CNTNAP2: variants seen among roughly 807,000 people sequenced by gnomAD.
CNTNAP2 encodes the protein contactin associated protein 2.
CNTNAP2 carries 98 observed loss-of-function variants against 155.2 expected under a neutral mutation model. The ratio of observed to expected loss-of-function variants is 0.63; its 90% CI spans 0.54 to 0.75. The LOEUF (loss-of-function observed/expected upper bound fraction) is 0.75. CNTNAP2 is among the 30% of genes least tolerant of loss of function. CNTNAP2 has a pLI of 0.00. For synonymous variants in CNTNAP2, 651 were observed against 631.2 expected (o/e 1.03, Z -0.47); for missense variants, 1,727 against 1,688.1 (o/e 1.02, Z -0.40).
intron 10 of CNTNAP2, among the ~76,000 whole-genome samples, chr7:147,454,091 G>C (rs971698265): frequency 1.3e-5 from 2 of 152,098 alleles, no homozygotes; most frequent in African/African-American, 2.4e-5. Context: ...AAAGATTTGT[G>C]AATTTTTGGT....
intron 18 of CNTNAP2, among the ~76,000 whole-genome samples, chr7:148,188,014 C>A (rs1025360867): frequency 1.3e-5 from 2 of 152,134 alleles, no homozygotes; most frequent in African/African-American, 4.8e-5. Context: ...CACACACACA[C>A]ACACAAAGCC....
At chr7:147,243,163 A>C (rs537087133) in intron 8 of CNTNAP2, among the ~76,000 whole-genome samples, 2 of 151,192 alleles carry the variant, frequency 1.3e-5, no homozygotes, top group Admixed American at 1.3e-4. Context: ...CGCCCGGCTA[A>C]TTTTTTTGTA....
intron 1 of CNTNAP2, among the ~76,000 whole-genome samples, chr7:146,252,005 G>A (rs1799763269): frequency 6.6e-6 from 1 of 152,130 alleles, no homozygotes; most frequent in Non-Finnish European, 1.5e-5. Flanking sequence ...GTGAGTTTGG[G>A]TTGGCTGGGC....
At chr7:148,061,358 A>T (rs1294138783) in intron 15 of CNTNAP2, among the ~76,000 whole-genome samples, 1 of 151,368 alleles carries the variant, frequency 6.6e-6, no homozygotes, top group East Asian at 2.0e-4. Context: ...TAAATTTTTT[A>T]TTATTTATTT....
chr7:147,280,505 GT>G (rs1233025802), intron 8 of CNTNAP2, among the ~76,000 whole-genome samples: 2 of 151,844 alleles, frequency 1.3e-5, no homozygotes, highest in Admixed American at 6.6e-5. Context: ...TCAGCTTAGG[GT>G]TTTTTATTTT....
At chr7:146,166,895 C>T (rs1009147862) in intron 1 of CNTNAP2, among the ~76,000 whole-genome samples, 1 of 152,128 alleles carries the variant, frequency 6.6e-6, no homozygotes, top group Non-Finnish European at 1.5e-5. Flanking sequence ...AAATCTGGTC[C>T]AAGAGCTGTG....
chr7:147,478,108 A>G (rs538028891), intron 10 of CNTNAP2, among the ~76,000 whole-genome samples: 1 of 149,650 alleles, frequency 6.7e-6, no homozygotes, highest in African/African-American at 2.4e-5. Flanking sequence ...GTCCTATTTT[A>G]GTTAGGATAT....
At chr7:148,320,342 T>C (rs1027478093) in intron 21 of CNTNAP2, among the ~76,000 whole-genome samples, 4 of 149,858 alleles carry the variant, frequency 2.7e-5, no homozygotes, top group African/African-American at 9.8e-5. Flanking sequence ...AGATCCAGGG[T>C]GGAGAGCTGA....
chr7:147,949,304 G>A (rs944174662), intron 14 of CNTNAP2, among the ~76,000 whole-genome samples: 4 of 151,898 alleles, frequency 2.6e-5, no homozygotes, highest in African/African-American at 9.7e-5. Context: ...CATCCTTCCT[G>A]TCTTCACAAT....
intron 9 of CNTNAP2, among the ~76,000 whole-genome samples, chr7:147,335,768 A>G (rs942769440): frequency 2.0e-5 from 3 of 152,236 alleles, no homozygotes; most frequent in Non-Finnish European, 4.4e-5. Context: ...TAGATTTCAC[A>G]GCATGGATTA....
chr7:147,157,325 C>T (rs929771876), intron 8 of CNTNAP2, among the ~76,000 whole-genome samples: 1 of 152,034 alleles, frequency 6.6e-6, no homozygotes, highest in African/African-American at 2.4e-5. Context: ...TCCCTGAGAT[C>T]CAATTTTGAT....
intron 10 of CNTNAP2, among the ~76,000 whole-genome samples, chr7:147,434,223 T>C (rs1189879017): frequency 6.6e-6 from 1 of 152,188 alleles, no homozygotes; most frequent in African/African-American, 2.4e-5. Flanking sequence ...ATTAATATCT[T>C]GAGAAAATAT....
chr7:146,302,048 A>G (rs556243616), intron 1 of CNTNAP2, among the ~76,000 whole-genome samples: 3 of 152,188 alleles, frequency 2.0e-5, no homozygotes, highest in South Asian at 2.1e-4. Flanking sequence ...ATAGAAGAAT[A>G]TTATCCTGAG....
At chr7:148,143,245 CGTGAAAA>C (rs1318198144) in intron 16 of CNTNAP2, among the ~76,000 whole-genome samples, 1 of 152,126 alleles carries the variant, frequency 6.6e-6, no homozygotes, top group African/African-American at 2.4e-5. Flanking sequence ...AGGCCTGAAG[CGTGAAAA>C]GTGAAAAGAC....
At position 147,181,237 on chromosome 7, in the gene CNTNAP2, C is replaced by T. The variant is rs146929473; in HGVS notation, c.1348+48728C>T. ...CCCAGAGAGACCAGAAGCCGGAGAT[C>T]CGGGAAAACACATCTCCAAAGGGCA... On this transcript the variant is annotated intron_variant, in intron 8 of 23. Transcript: ENST00000361727. Among the ~76,000 whole-genome samples, 806 of 152,180 alleles carry T rather than the reference C, an allele frequency of 5.3e-3. 6 individuals are homozygous for T. The highest frequency in any genetic ancestry group is 0.019 in the African/African-American group (771 of 41,526).
chr7:147,440,425 T>C (rs1289936112), intron 10 of CNTNAP2, among the ~76,000 whole-genome samples: 2 of 152,130 alleles, frequency 1.3e-5, no homozygotes, highest in Non-Finnish European at 2.9e-5. Flanking sequence ...CACTGTACCA[T>C]ATGTCTTCAA....
intron 14 of CNTNAP2, among the ~76,000 whole-genome samples, chr7:147,911,644 C>A (rs184084131): frequency 1.1e-4 from 16 of 152,300 alleles, no homozygotes; most frequent in Admixed American, 9.2e-4. Context: ...CACCATCGTT[C>A]TATTTTCTGT....
intron 1 of CNTNAP2, among the ~76,000 whole-genome samples, chr7:146,667,527 A>G (rs1180232884): frequency 1.3e-5 from 2 of 151,590 alleles, no homozygotes; most frequent in Non-Finnish European, 2.9e-5. Flanking sequence ...TTGTATTTTT[A>G]TAGAGAAGGC....
At chr7:146,672,687 G>C (rs1039315710) in intron 1 of CNTNAP2, among the ~76,000 whole-genome samples, 5 of 152,150 alleles carry the variant, frequency 3.3e-5, no homozygotes, top group African/African-American at 1.2e-4. Context: ...AAAAGCCATA[G>C]TTTTAGTATT....
Sources: allele counts gnomAD v4.1 joint callset (sites outside exome capture counted in the v4.1 genomes callset), GRCh38; gene constraint gnomAD v4.1.1; transcripts MANE v1.5; gene names NCBI Gene and HGNC (gene_info 2026-07-23, HGNC 2026-07-21).